The following DTWD2 variants were observed in gnomAD, a reference collection of about 807,000 sequenced individuals.
DTWD2 encodes the protein DTW motif tRNA-uridine aminocarboxypropyltransferase 2, also known as tRNA-uridine aminocarboxypropyltransferase 2.
DTWD2 carries 39 observed loss-of-function variants against 31.8 expected under a neutral mutation model. The observed-to-expected ratio is 1.22, with a 90% CI of 0.95 to 1.60. The LOEUF (loss-of-function observed/expected upper bound fraction) is 1.60, where lower values mean the gene tolerates loss of function less well. Ranked by LOEUF, DTWD2 falls within the 40% of genes most tolerant of loss-of-function variation. DTWD2 has a pLI of 0.00. For missense variants in DTWD2, 515 were observed against 381.5 expected, an observed-to-expected ratio of 1.35 and a Z score of -2.92; for synonymous variants, 180 against 142.8, an observed-to-expected ratio of 1.26 and a Z score of -1.86.
chr5:118,862,515 A>T (rs1752285534), intron 4 of DTWD2, among the ~76,000 whole-genome samples: 1 of 152,194 alleles, frequency 6.6e-6, no homozygotes, highest in South Asian at 2.1e-4. Flanking sequence ...CTTTAGTGTG[A>T]TTTAAAACTA....
intron 1 of DTWD2, among the ~76,000 whole-genome samples, chr5:118,957,226 A>AT (rs913843045): frequency 3.1e-4 from 46 of 147,720 alleles, no homozygotes; most frequent in East Asian, 1.8e-3. Context: ...TACTGTTGTG[A>AT]TTTTTTTTTT....
chr5:118,844,134 C>T (rs753729004), intron 5 of DTWD2, among the ~76,000 whole-genome samples: 3 of 152,174 alleles, frequency 2.0e-5, no homozygotes, highest in Admixed American at 2.0e-4. Flanking sequence ...AAACTTTTGT[C>T]ATCTTATCTG....
intron 4 of DTWD2, among the ~76,000 whole-genome samples, chr5:118,893,506 T>C (rs1753019366): frequency 6.6e-6 from 1 of 150,974 alleles, no homozygotes; most frequent in African/African-American, 2.4e-5. Flanking sequence ...TATGTGGAAA[T>C]AAGAAAGAAG....
At chr5:118,911,401 G>A (rs897312877) in intron 4 of DTWD2, among the ~76,000 whole-genome samples, 1 of 152,212 alleles carries the variant, frequency 6.6e-6, no homozygotes, top group Non-Finnish European at 1.5e-5. Flanking sequence ...CTTATACACT[G>A]TTGGTGGGAA....
At chr5:118,950,213 C>CAAAAAAA (rs764214153) in intron 1 of DTWD2, among the ~76,000 whole-genome samples, 5 of 49,586 alleles carry the variant, frequency 1.0e-4, no homozygotes, top group Non-Finnish European at 1.5e-4. Flanking sequence ...ACTCCATCTC[C>CAAAAAAA]AAAAAAAAAA....
chr5:118,939,314 A>G (rs780287850), intron 2 of DTWD2, 24 bp from the exon 3 acceptor site: 2 of 1,545,140 alleles, frequency 1.3e-6, no homozygotes, highest in Non-Finnish European at 1.7e-6. Context: ...ATGAATTGAA[A>G]CATAGATTTT....
At chr5:118,860,842 T>G (rs1032190564) in intron 4 of DTWD2, among the ~76,000 whole-genome samples, 2 of 152,224 alleles carry the variant, frequency 1.3e-5, no homozygotes, top group African/African-American at 4.8e-5. Flanking sequence ...CTGCCTATTC[T>G]TCTATAAGAT....
At chr5:118,874,270 T>C (rs1752572927) in intron 4 of DTWD2, among the ~76,000 whole-genome samples, 1 of 152,198 alleles carries the variant, frequency 6.6e-6, no homozygotes, top group South Asian at 2.1e-4. Flanking sequence ...AGTGCAAGAA[T>C]GCTGAAAACT....
chr5:118,916,742 A>G (rs1250623881), intron 4 of DTWD2, among the ~76,000 whole-genome samples: 12 of 152,122 alleles, frequency 7.9e-5, no homozygotes, highest in Admixed American at 7.9e-4. Flanking sequence ...TTTGCCTTTC[A>G]ATTTAATGTG....
rs1358768689 is a variant in DTWD2 at position 118,979,308 on chromosome 5, AAAAT to A, written c.218+8982_218+8985del. 2.0e-5 allele frequency among the ~76,000 whole-genome samples: 3 copies of A among 152,216 alleles called. No homozygotes were observed. In the South Asian group the frequency reaches 6.2e-4, roughly 32 times the overall value. On this transcript the variant is annotated intron_variant, in intron 1 of 5. Transcript: ENST00000510708. ...GACAGAGCAAGAGTCCATCCCCAAA[AAAAT>A]AAATAAATAAATAATAAAAAATAAA...
chr5:118,868,698 T>C (rs1752435089), intron 4 of DTWD2, among the ~76,000 whole-genome samples: 1 of 151,464 alleles, frequency 6.6e-6, no homozygotes, highest in Non-Finnish European at 1.5e-5. Context: ...AATTAGCCAG[T>C]TGTGGTGGCA....
At chr5:118,950,538 C>T (rs1754441143) in intron 1 of DTWD2, among the ~76,000 whole-genome samples, 4 of 152,156 alleles carry the variant, frequency 2.6e-5, no homozygotes, top group Admixed American at 2.6e-4. Context: ...ATTCCAGGGG[C>T]TCTGGGAGTG....
At chr5:118,929,758 C>T (rs1215155580) in intron 3 of DTWD2, among the ~76,000 whole-genome samples, 1 of 152,150 alleles carries the variant, frequency 6.6e-6, no homozygotes, top group Non-Finnish European at 1.5e-5. Flanking sequence ...CCTTGAAAAG[C>T]TGTTGCATCT....
At chr5:118,876,837 A>C (rs1295514410) in intron 4 of DTWD2, among the ~76,000 whole-genome samples, 1 of 152,182 alleles carries the variant, frequency 6.6e-6, no homozygotes, top group Non-Finnish European at 1.5e-5. Flanking sequence ...AAACTATTCC[A>C]AAAGATTGAG....
chr5:118,916,665 CAA>C (rs750721731), intron 4 of DTWD2, among the ~76,000 whole-genome samples: 33 of 90,268 alleles, frequency 3.7e-4, no homozygotes, highest in Admixed American at 4.4e-4. Flanking sequence ...AACTCTGTCC[CAA>C]AAAAAAAAAA....
chr5:118,837,511 T>C lies in DTWD2; in HGVS notation c.*3406A>G, dbSNP rs1432804537. ...TACAGGCAAGGGTCAACAATTTAGCTCCCTGAAATTCAGCATCCCTGAAAT... is the reference window on the plus strand; with the variant it reads ...TACAGGCAAGGGTCAACAATTTAGCCCCCTGAAATTCAGCATCCCTGAAAT... On this transcript the variant is annotated 3_prime_UTR_variant, in exon 6 of 6. Transcript: ENST00000510708. 2 of 152,152 alleles carry C rather than the reference T, an allele frequency of 1.3e-5. No homozygotes were observed. Among genetic ancestry groups the C allele is most frequent in the African/African-American group, 4.8e-5 (2 of 41,440 alleles). 9.4% of individuals were successfully genotyped at this position (152,152 alleles called of 1,614,324 possible). A position where few individuals can be genotyped will look rare whatever the true frequency, so the allele number is the denominator to read the frequency against.
chr5:118,849,463 C>T (rs763395696), intron 4 of DTWD2, among the ~76,000 whole-genome samples: 9 of 152,226 alleles, frequency 5.9e-5, no homozygotes, highest in South Asian at 2.1e-4. Flanking sequence ...TAGAAGACAG[C>T]GTGGCAATTC....
intron 4 of DTWD2, among the ~76,000 whole-genome samples, chr5:118,894,298 C>A (rs1011815959): frequency 1.4e-4 from 22 of 152,094 alleles, no homozygotes; most frequent in African/African-American, 5.3e-4. Flanking sequence ...TATGTACAAT[C>A]CCAATCCAAC....
At chr5:118,964,833 C>T (rs1361357658) in intron 1 of DTWD2, among the ~76,000 whole-genome samples, 3 of 152,154 alleles carry the variant, frequency 2.0e-5, no homozygotes, top group African/African-American at 4.8e-5. Context: ...CCCAAAGTGC[C>T]GAGATTGCAG....
Sources: gnomAD v4.1 joint callset for allele counts (sites outside exome capture counted in the v4.1 genomes callset) on GRCh38, gnomAD v4.1.1 for gene constraint, MANE v1.5 for transcripts, NCBI Gene and HGNC (gene_info 2026-07-23, HGNC 2026-07-21) for gene names.